TRPM3: variants seen among roughly 807,000 people sequenced by gnomAD.
The protein encoded by TRPM3 is transient receptor potential cation channel subfamily M member 3.
In TRPM3, 77 loss-of-function variants were observed where a neutral mutation model predicts 181.2. The ratio of observed to expected loss-of-function variants is 0.42; its 90% confidence interval spans 0.35 to 0.51. The LOEUF is 0.51. Among genes scored for constraint, TRPM3 ranks in the 20% least tolerant of loss-of-function variants. The probability of loss-of-function intolerance (pLI) is 0.01; values close to 1 mark genes in which losing one functional copy is unlikely to be tolerated. For synonymous variants in TRPM3, 745 were observed against 796.4 expected (o/e 0.94, Z 1.09); for missense variants, 1,759 against 2,196.7 (o/e 0.80, Z 3.98).
chr9:71,025,327 C>T (rs1658482376), intron 1 of TRPM3, among the ~76,000 whole-genome samples: 1 of 152,154 alleles, frequency 6.6e-6, no homozygotes, highest in Admixed American at 6.5e-5. Context: ...CCGAGTGGTG[C>T]AGAAGTAGCT....
intron 1 of TRPM3, among the ~76,000 whole-genome samples, chr9:71,201,437 G>C (rs2078787066): frequency 6.6e-6 from 1 of 152,200 alleles, no homozygotes; most frequent in Non-Finnish European, 1.5e-5. Flanking sequence ...CTAGATCGGG[G>C]AAGTTCTCCT....
At chr9:71,095,903 G>A (rs1335326401) in intron 1 of TRPM3, among the ~76,000 whole-genome samples, 1 of 151,992 alleles carries the variant, frequency 6.6e-6, no homozygotes, top group Non-Finnish European at 1.5e-5. Flanking sequence ...CAGAGACAGA[G>A]TGGACATGGA....
chr9:70,770,459 G>C (rs907606540), intron 7 of TRPM3, among the ~76,000 whole-genome samples: 1 of 152,168 alleles, frequency 6.6e-6, no homozygotes, highest in African/African-American at 2.4e-5. Flanking sequence ...ACAACACAAA[G>C]TAATTATATC....
intron 7 of TRPM3, among the ~76,000 whole-genome samples, chr9:70,772,795 A>G (rs963016530): frequency 3.3e-5 from 5 of 151,876 alleles, no homozygotes; most frequent in African/African-American, 1.2e-4. Context: ...AATGTGCACA[A>G]CAGTAGAAGT....
chr9:70,620,483 C>G, intron 15 of TRPM3, 118 bp from the exon 16 acceptor site: 1 of 1,135,258 alleles, frequency 8.8e-7, no homozygotes, highest in Non-Finnish European at 1.3e-6. Flanking sequence ...ATGAACGAGG[C>G]CAGCTCCTGT....
intron 1 of TRPM3, among the ~76,000 whole-genome samples, chr9:71,433,880 G>T (rs1188977416): frequency 6.6e-6 from 1 of 152,158 alleles, no homozygotes; most frequent in Non-Finnish European, 1.5e-5. Context: ...CTGAGGCTGG[G>T]CACGGTGACT....
chr9:71,168,510 C>CT (rs386415035), intron 1 of TRPM3, among the ~76,000 whole-genome samples: 6,595 of 90,542 alleles, frequency 0.073, 457 homozygotes, highest in African/African-American at 0.14. Context: ...TGACATTTTT[C>CT]TTTTTTTTTT....
intron 1 of TRPM3, among the ~76,000 whole-genome samples, chr9:71,253,259 T>C (rs542565521): frequency 6.6e-6 from 1 of 152,282 alleles, no homozygotes; most frequent in African/African-American, 2.4e-5. Context: ...AGTTGAAAAG[T>C]TCTACTGACT....
At chr9:71,439,427 A>AG (rs1374285326) in intron 1 of TRPM3, among the ~76,000 whole-genome samples, 2 of 152,214 alleles carry the variant, frequency 1.3e-5, no homozygotes, top group East Asian at 3.8e-4. Flanking sequence ...TAATGTTCAT[A>AG]AGTCATCCTG....
At chr9:71,392,986 A>C (rs1022978149) in intron 1 of TRPM3, among the ~76,000 whole-genome samples, 4 of 152,186 alleles carry the variant, frequency 2.6e-5, no homozygotes, top group African/African-American at 9.6e-5. Context: ...AGTCATACTT[A>C]TGGGCCTGGA....
intron 1 of TRPM3, among the ~76,000 whole-genome samples, chr9:71,328,322 C>T (rs2089859044): frequency 6.6e-6 from 1 of 152,088 alleles, no homozygotes; most frequent in African/African-American, 2.4e-5. Context: ...TGCCACCACG[C>T]CCGGCTAATT....
chr9:70,933,502 A>T (rs2096794939), intron 1 of TRPM3, among the ~76,000 whole-genome samples: 1 of 152,202 alleles, frequency 6.6e-6, no homozygotes, highest in Non-Finnish European at 1.5e-5. Flanking sequence ...GGCTGAAAAC[A>T]TCCAGCAAGT....
At chr9:71,237,242 G>A (rs1446254880) in intron 1 of TRPM3, among the ~76,000 whole-genome samples, 2 of 152,088 alleles carry the variant, frequency 1.3e-5, no homozygotes, top group Admixed American at 6.6e-5. Context: ...ATTTTGATCA[G>A]AGACTTAATA....
chr9:70,792,661 C>CAGAGAGAGAGAG (rs9314786), intron 6 of TRPM3, among the ~76,000 whole-genome samples: 7 of 147,074 alleles, frequency 4.8e-5, no homozygotes, highest in African/African-American at 1.5e-4. Flanking sequence ...GACAGAAAGA[C>CAGAGAGAGAGAG]AGAGAGAGAG....
intron 17 of TRPM3, among the ~76,000 whole-genome samples, chr9:70,616,447 C>T (rs1294251628): frequency 1.3e-5 from 2 of 151,334 alleles, no homozygotes; most frequent in African/African-American, 2.4e-5. Context: ...TTCAGATTTA[C>T]ATTTAGCCAT....
At chr9:71,274,248 C>T (rs2084018411) in intron 1 of TRPM3, among the ~76,000 whole-genome samples, 1 of 152,142 alleles carries the variant, frequency 6.6e-6, no homozygotes, top group Admixed American at 6.5e-5. Context: ...GAGGGAAAAA[C>T]ATCTACTCTA....
At chr9:70,993,467 T>C (rs926703401) in intron 1 of TRPM3, among the ~76,000 whole-genome samples, 4 of 152,222 alleles carry the variant, frequency 2.6e-5, no homozygotes, top group African/African-American at 4.8e-5. Flanking sequence ...CGCTTTAGCA[T>C]TGGATGATCC....
chr9:70,885,062 C>A (rs1475335658), intron 1 of TRPM3, among the ~76,000 whole-genome samples: 1 of 152,166 alleles, frequency 6.6e-6, no homozygotes. Flanking sequence ...CCTGTTGCTG[C>A]CTCCTTTGAG....
chr9:71,096,305 C>A (rs1314175598), intron 1 of TRPM3, among the ~76,000 whole-genome samples: 1 of 147,680 alleles, frequency 6.8e-6, no homozygotes, highest in Non-Finnish European at 1.5e-5. Context: ...AAAAAAAAAA[C>A]TACTAAAAAT....
Sources: allele counts gnomAD v4.1 joint callset (sites outside exome capture counted in the v4.1 genomes callset), GRCh38; gene constraint gnomAD v4.1.1; transcripts MANE v1.5; gene names NCBI Gene and HGNC (gene_info 2026-07-23, HGNC 2026-07-21).